The following GRID2 variants were observed in gnomAD, a reference collection of about 807,000 sequenced individuals.
GRID2 encodes the protein glutamate receptor ionotropic, delta-2.
Under a neutral mutation model 114.8 loss-of-function variants are expected in GRID2, and 33 were observed. That is an observed-to-expected ratio of 0.29 (90% CI 0.22 to 0.38). The LOEUF (loss-of-function observed/expected upper bound fraction) is 0.38. Among genes scored for constraint, GRID2 ranks in the 10% least tolerant of loss-of-function variants. The pLI is 1.00. For missense variants in GRID2, 1,184 were observed against 1,257.7 expected, an observed-to-expected ratio of 0.94 and a Z score of 0.89; for synonymous variants, 505 against 449.9, an observed-to-expected ratio of 1.12 and a Z score of -1.55.
At chr4:93,755,684 A>T (rs140129462) in intron 14 of GRID2, among the ~76,000 whole-genome samples, 1 of 152,200 alleles carries the variant, frequency 6.6e-6, no homozygotes, top group South Asian at 2.1e-4. Context: ...ACATTTAATG[A>T]TGTTACAATT....
chr4:93,112,836 C>G (rs1341468410), intron 4 of GRID2, among the ~76,000 whole-genome samples: 2 of 152,108 alleles, frequency 1.3e-5, no homozygotes, highest in African/African-American at 4.8e-5. Context: ...AATGTCTATT[C>G]ACATTTTCTT....
chr4:92,562,681 T>A (rs1224844548), intron 1 of GRID2, among the ~76,000 whole-genome samples: 1 of 152,124 alleles, frequency 6.6e-6, no homozygotes, highest in Non-Finnish European at 1.5e-5. Flanking sequence ...ATGAGTATCA[T>A]GAGAAGAACC....
At chr4:92,582,883 G>A (rs1728249363) in intron 1 of GRID2, among the ~76,000 whole-genome samples, 1 of 151,834 alleles carries the variant, frequency 6.6e-6, no homozygotes, top group African/African-American at 2.4e-5. Flanking sequence ...ACTACTCAGG[G>A]AGCAGAGACA....
At chr4:93,350,236 C>A (rs189862563) in intron 8 of GRID2, among the ~76,000 whole-genome samples, 18 of 152,230 alleles carry the variant, frequency 1.2e-4, no homozygotes, top group African/African-American at 4.1e-4. Flanking sequence ...TTAGCGTTAT[C>A]CATGCAACCT....
chr4:92,461,356 A>C (rs1721488629), intron 1 of GRID2, among the ~76,000 whole-genome samples: 1 of 151,972 alleles, frequency 6.6e-6, no homozygotes, highest in Non-Finnish European at 1.5e-5. Context: ...AATGTTGAGA[A>C]AAAGCATGGT....
intron 1 of GRID2, among the ~76,000 whole-genome samples, chr4:92,524,131 TAA>T (rs1560687935): frequency 1.3e-5 from 2 of 152,042 alleles, no homozygotes; most frequent in South Asian, 4.1e-4. Context: ...GATGGAGCCC[TAA>T]GAGTTGTCTT....
chr4:93,057,705 G>C (rs1397923046), intron 2 of GRID2, among the ~76,000 whole-genome samples: 3 of 151,776 alleles, frequency 2.0e-5, no homozygotes, highest in Non-Finnish European at 4.4e-5. Context: ...GTTTATTTTA[G>C]CCTCAGAAGT....
chr4:92,579,072 C>T (rs1359514782), intron 1 of GRID2, among the ~76,000 whole-genome samples: 1 of 151,996 alleles, frequency 6.6e-6, no homozygotes, highest in Non-Finnish European at 1.5e-5. Context: ...TAGAAGATCC[C>T]GAGAAATCTC....
intron 4 of GRID2, among the ~76,000 whole-genome samples, chr4:93,156,417 A>C (rs905711332): frequency 2.6e-5 from 4 of 151,724 alleles, no homozygotes; most frequent in African/African-American, 9.7e-5. Flanking sequence ...TTGGAGGGGC[A>C]TAATAGTAGG....
At chr4:92,409,228 C>T (rs1579312713) in intron 1 of GRID2, among the ~76,000 whole-genome samples, 1 of 151,928 alleles carries the variant, frequency 6.6e-6, no homozygotes, top group East Asian at 1.9e-4. Flanking sequence ...GGCTGTAATA[C>T]CAAAAATAAG....
At chr4:93,549,053 T>A (rs1258263572) in intron 13 of GRID2, among the ~76,000 whole-genome samples, 1 of 151,978 alleles carries the variant, frequency 6.6e-6, no homozygotes, top group African/African-American at 2.4e-5. Flanking sequence ...AAAATATCTC[T>A]TTATCAAATC....
At chr4:92,340,398 A>G (rs2110161278) in intron 1 of GRID2, among the ~76,000 whole-genome samples, 1 of 152,252 alleles carries the variant, frequency 6.6e-6, no homozygotes, top group South Asian at 2.1e-4. Flanking sequence ...CTCCATCAAC[A>G]TTCAATTCTG....
intron 2 of GRID2, among the ~76,000 whole-genome samples, chr4:93,005,940 CTT>C (rs1436243192): frequency 5.3e-5 from 8 of 152,084 alleles, no homozygotes; most frequent in African/African-American, 1.9e-4. Context: ...ACGCTGGTCT[CTT>C]TGCTTATTTT....
chr4:93,041,955 T>C (rs1725555274), intron 2 of GRID2, among the ~76,000 whole-genome samples: 1 of 152,028 alleles, frequency 6.6e-6, no homozygotes, highest in Non-Finnish European at 1.5e-5. Flanking sequence ...CAGGCTGGAG[T>C]GCAATGGCGT....
intron 14 of GRID2, among the ~76,000 whole-genome samples, chr4:93,697,411 C>G (rs922445939): frequency 6.6e-6 from 1 of 152,066 alleles, no homozygotes; most frequent in Admixed American, 6.6e-5. Flanking sequence ...AGGTTATAAT[C>G]TAGTTCCAAA....
intron 8 of GRID2, among the ~76,000 whole-genome samples, chr4:93,294,575 T>C (rs1754092196): frequency 6.6e-6 from 1 of 152,174 alleles, no homozygotes; most frequent in Non-Finnish European, 1.5e-5. Context: ...GTTTGCTGGT[T>C]TGTGACAGAG....
At chr4:92,925,503 A>G (rs1749743616) in intron 2 of GRID2, among the ~76,000 whole-genome samples, 1 of 152,078 alleles carries the variant, frequency 6.6e-6, no homozygotes, top group Non-Finnish European at 1.5e-5. Flanking sequence ...CCACAAACAA[A>G]TACAAGGCAA....
At chr4:92,347,957 C>T (rs914077210) in intron 1 of GRID2, among the ~76,000 whole-genome samples, 1 of 152,110 alleles carries the variant, frequency 6.6e-6, no homozygotes, top group Non-Finnish European at 1.5e-5. Flanking sequence ...TAGTAGCAGA[C>T]TTTAACTGTT....
At position 92,903,067 on chromosome 4, in the gene GRID2, A is replaced by AT. The variant is rs904486859; in HGVS notation, c.245-181920dup. Reference sequence around the variant, plus strand: ...TTTCTGGTTCCATATTAATTTTAGGATTTTTTTTCCTAATTCTGTGAAACA... The same window carrying AT: ...TTTCTGGTTCCATATTAATTTTAGGATTTTTTTTTCCTAATTCTGTGAAACA... On this transcript the variant is annotated intron_variant, in intron 2 of 15. Coordinates refer to ENST00000282020, the MANE Select transcript of GRID2 (RefSeq NM_001510.4). Among the ~76,000 whole-genome samples the AT allele has an allele frequency of 1.9e-4, 29 of 151,424 alleles. No individual in the cohort carries two copies. In the East Asian group the frequency reaches 3.7e-3, roughly 19 times the overall value.
Sources: gnomAD v4.1 joint callset for allele counts (sites outside exome capture counted in the v4.1 genomes callset) on GRCh38, gnomAD v4.1.1 for gene constraint, MANE v1.5 for transcripts, NCBI Gene and HGNC (gene_info 2026-07-23, HGNC 2026-07-21) for gene names.